The following PSD3 variants were observed in gnomAD, a reference collection of about 807,000 sequenced individuals.
PSD3 encodes the protein PH and SEC7 domain-containing protein 3.
PSD3 carries 49 observed loss-of-function variants against 105.5 expected under a neutral mutation model. The ratio of observed to expected loss-of-function variants is 0.46; its 90% CI spans 0.37 to 0.59. PSD3 has a LOEUF of 0.59. PSD3 is among the 20% of genes least tolerant of loss of function. The pLI, the probability that PSD3 is intolerant of heterozygous loss-of-function variation, is 0.00. For synonymous variants in PSD3, 557 were observed against 457.8 expected, an observed-to-expected ratio of 1.22 and a Z score of -2.77; for missense variants, 1,561 against 1,263.8, an observed-to-expected ratio of 1.24 and a Z score of -3.57.
chr8:18,777,135 T>C (rs1179326457), intron 8 of PSD3, among the ~76,000 whole-genome samples: 2 of 152,082 alleles, frequency 1.3e-5, no homozygotes, highest in East Asian at 3.9e-4. Flanking sequence ...CTCTGCCTCC[T>C]GGGTTCAAGC....
At chr8:18,740,070 G>A (rs962086292) in intron 9 of PSD3, among the ~76,000 whole-genome samples, 2 of 152,146 alleles carry the variant, frequency 1.3e-5, no homozygotes, top group Non-Finnish European at 2.9e-5. Context: ...CTATCAACCA[G>A]AGTGGAGGCC....
chr8:18,715,361 C>G (rs908941226), intron 9 of PSD3, among the ~76,000 whole-genome samples: 1 of 152,120 alleles, frequency 6.6e-6, no homozygotes, highest in African/African-American at 2.4e-5. Flanking sequence ...AAAGCATTGA[C>G]CTAGATTAAG....
intron 4 of PSD3, among the ~76,000 whole-genome samples, chr8:18,831,405 T>C (rs1813670922): frequency 6.6e-6 from 1 of 152,138 alleles, no homozygotes; most frequent in Admixed American, 6.5e-5. Flanking sequence ...TAGTTCCAGT[T>C]CTCCAAGGTC....
chr8:18,763,803 T>C (rs1407089053), intron 9 of PSD3, among the ~76,000 whole-genome samples: 2 of 152,132 alleles, frequency 1.3e-5, no homozygotes, highest in African/African-American at 4.8e-5. Context: ...CTGGGGTTTG[T>C]TATGGAAGAG....
chr8:18,898,314 T>A (rs80146581), intron 2 of PSD3, among the ~76,000 whole-genome samples: 2 of 152,200 alleles, frequency 1.3e-5, no homozygotes, highest in Non-Finnish European at 2.9e-5. Context: ...ATAAGTGTTA[T>A]ATCTGCTTGC....
intron 12 of PSD3, among the ~76,000 whole-genome samples, chr8:18,586,271 C>T (rs1803180263): frequency 6.6e-6 from 1 of 152,234 alleles, no homozygotes; most frequent in Admixed American, 6.5e-5. Context: ...GAGGACTTGG[C>T]ACTCGCTCCT....
intron 4 of PSD3, among the ~76,000 whole-genome samples, chr8:18,816,514 A>G (rs566078460): frequency 2.5e-4 from 38 of 152,314 alleles, no homozygotes; most frequent in Admixed American, 2.2e-3. Context: ...AAACATTTCT[A>G]CTTTTTAAAG....
At chr8:18,812,279 T>G (rs1811762884) in intron 4 of PSD3, among the ~76,000 whole-genome samples, 1 of 152,232 alleles carries the variant, frequency 6.6e-6, no homozygotes, top group Non-Finnish European at 1.5e-5. Flanking sequence ...ACCTGTGAGC[T>G]CACTGCAATG....
At chr8:18,583,686 C>CT (rs1434354260) in intron 12 of PSD3, among the ~76,000 whole-genome samples, 22 of 152,150 alleles carry the variant, frequency 1.4e-4, no homozygotes, top group Non-Finnish European at 8.8e-5. Flanking sequence ...TTCATGAACT[C>CT]TTTCATGAGC....
chr8:18,582,799 C>T (rs2130425104), intron 12 of PSD3, among the ~76,000 whole-genome samples: 1 of 149,752 alleles, frequency 6.7e-6, no homozygotes, highest in South Asian at 2.1e-4. Context: ...CATTCTCCAA[C>T]CTGCAGCCAC....
At chr8:19,056,590 G>A (rs947336716) in intron 1 of PSD3, among the ~76,000 whole-genome samples, 3 of 152,140 alleles carry the variant, frequency 2.0e-5, no homozygotes, top group Admixed American at 2.0e-4. Flanking sequence ...ATTCCATTAA[G>A]GCTCCAAACT....
chr8:18,618,174 A>G (rs1258369776), intron 11 of PSD3, among the ~76,000 whole-genome samples: 2 of 152,052 alleles, frequency 1.3e-5, no homozygotes, highest in African/African-American at 2.4e-5. Flanking sequence ...CTTTCAAGCA[A>G]TTGACAATCA....
chr8:18,558,800 G>C (rs1404359669), intron 14 of PSD3, among the ~76,000 whole-genome samples: 1 of 152,122 alleles, frequency 6.6e-6, no homozygotes, highest in Non-Finnish European at 1.5e-5. Flanking sequence ...CAGTCTGGGT[G>C]ACAGAGCAAG....
chr8:18,887,703 A>G (rs1255375967), intron 2 of PSD3, among the ~76,000 whole-genome samples: 2 of 152,204 alleles, frequency 1.3e-5, no homozygotes, highest in Non-Finnish European at 2.9e-5. Flanking sequence ...ATGAGGATGC[A>G]TGGGCTGACA....
chr8:18,658,826 G>A (rs1809094906), intron 9 of PSD3, among the ~76,000 whole-genome samples: 1 of 152,064 alleles, frequency 6.6e-6, no homozygotes, highest in East Asian at 1.9e-4. Flanking sequence ...GTATGCTCTA[G>A]TAGCCTCAGG....
chr8:19,049,759 G>A (rs1362819603), intron 1 of PSD3, among the ~76,000 whole-genome samples: 2 of 148,340 alleles, frequency 1.3e-5, no homozygotes, highest in African/African-American at 2.5e-5. Flanking sequence ...TAATGAAAAG[G>A]TAAAAACATA....
intron 4 of PSD3, among the ~76,000 whole-genome samples, chr8:18,839,386 C>T (rs1814420922): frequency 6.6e-6 from 1 of 152,102 alleles, no homozygotes; most frequent in Admixed American, 6.5e-5. Flanking sequence ...AACAGTGGGG[C>T]CAAGTTTGCC....
At chr8:18,625,988 T>C (rs1032570757) in intron 11 of PSD3, among the ~76,000 whole-genome samples, 2 of 152,126 alleles carry the variant, frequency 1.3e-5, no homozygotes, top group Admixed American at 6.6e-5. Context: ...TAAGAGCTTA[T>C]ACTGAATTTT....
At chr8:18,606,533 C>T (rs182098081) in intron 11 of PSD3, among the ~76,000 whole-genome samples, 9 of 152,040 alleles carry the variant, frequency 5.9e-5, no homozygotes, top group African/African-American at 1.9e-4. Context: ...CATCACATTG[C>T]AAAAAATAGA....
Sources: allele counts gnomAD v4.1 joint callset (sites outside exome capture counted in the v4.1 genomes callset), GRCh38; gene constraint gnomAD v4.1.1; transcripts MANE v1.5; gene names NCBI Gene and HGNC (gene_info 2026-07-23, HGNC 2026-07-21).